Variants in SLC6A5 observed in about 807,000 individuals in gnomAD.
The protein encoded by SLC6A5 is solute carrier family 6 member 5.
A neutral mutation model predicts 90.5 loss-of-function variants in SLC6A5; 58 were observed. The observed-to-expected ratio is 0.64, with a 90% CI of 0.52 to 0.80. The LOEUF (loss-of-function observed/expected upper bound fraction) is 0.80, where lower values mean the gene tolerates loss of function less well. SLC6A5 is among the 30% of genes least tolerant of loss of function. The pLI is 0.00. For missense variants in SLC6A5, 1,015 were observed against 1,017.6 expected (o/e 1.00, Z 0.03); for synonymous variants, 427 against 401.4 (o/e 1.06, Z -0.76).
chr11:20,620,153 C>T (rs1055373280), intron 7 of SLC6A5, among the ~76,000 whole-genome samples: 1 of 152,086 alleles, frequency 6.6e-6, no homozygotes, highest in Non-Finnish European at 1.5e-5. Context: ...CTGACCTCAA[C>T]CATGATGTGA....
At chr11:20,647,211 C>CTA (rs10597763) in intron 14 of SLC6A5, among the ~76,000 whole-genome samples, 228 of 127,412 alleles carry the variant, frequency 1.8e-3, no homozygotes, top group South Asian at 6.5e-3. Context: ...ATATCAGTTC[C>CTA]TATATATATA....
intron 7 of SLC6A5, among the ~76,000 whole-genome samples, chr11:20,621,168 A>G (rs1282134640): frequency 6.6e-6 from 1 of 152,156 alleles, no homozygotes; most frequent in African/African-American, 2.4e-5. Flanking sequence ...TAGATAGTAA[A>G]TGAGGAATTG....
intron 13 of SLC6A5, among the ~76,000 whole-genome samples, chr11:20,641,647 G>A (rs1265785048): frequency 6.6e-6 from 1 of 152,100 alleles, no homozygotes; most frequent in African/African-American, 2.4e-5. Context: ...CAATTTCAGG[G>A]TGTAGTGTTC....
intron 12 of SLC6A5, 35 bp downstream of exon 12, chr11:20,637,338 G>T (rs768845386): frequency 1.9e-6 from 3 of 1,598,912 alleles, no homozygotes; most frequent in Non-Finnish European, 2.6e-6. Context: ...TTGGGGTGGG[G>T]GCAGGAGGGT....
rs371144782 is a variant in SLC6A5 at position 20,646,785 on chromosome 11, C to A, written c.1970-49C>A. 341 of 1,337,056 alleles carry A rather than the reference C, an allele frequency of 2.6e-4. No individual in the cohort carries two copies. In the African/African-American group the frequency reaches 3.9e-3, roughly 15 times the overall value. 82.8% of individuals were successfully genotyped at this position (1,337,056 alleles called of 1,614,324 possible). A position where few individuals can be genotyped will look rare whatever the true frequency, so the allele number is the denominator to read the frequency against. On this transcript the variant is annotated intron_variant, in intron 13 of 15. Coordinates refer to ENST00000525748, the MANE Select transcript of SLC6A5 (RefSeq NM_004211.5). ...TAGTGCCTGCCCTGCCACCACCTCA[C>A]CTTCCTGCTACTGTGCCTTATACCT...
intron 13 of SLC6A5, among the ~76,000 whole-genome samples, chr11:20,640,653 A>T (rs762268429): frequency 2.0e-5 from 3 of 151,846 alleles, no homozygotes; most frequent in Non-Finnish European, 4.4e-5. Context: ...AATTCTAAGA[A>T]GTGAATCTCA....
chr11:20,640,790 A>G (rs1361091959), intron 13 of SLC6A5, among the ~76,000 whole-genome samples: 1 of 152,124 alleles, frequency 6.6e-6, no homozygotes, highest in Non-Finnish European at 1.5e-5. Context: ...GAGGCCCCAG[A>G]CCAGTGCAGG....
At chr11:20,599,812 G>A (rs538707292) in intron 1 of SLC6A5, 137 bp downstream of exon 1, 2 of 1,009,922 alleles carry the variant, frequency 2.0e-6, no homozygotes, top group South Asian at 1.3e-5. Context: ...AACAATTCTC[G>A]CAGCCCTAGG....
chr11:20,616,864 G>A (rs560512982), intron 6 of SLC6A5, among the ~76,000 whole-genome samples: 9 of 152,292 alleles, frequency 5.9e-5, no homozygotes, highest in African/African-American at 2.2e-4. Flanking sequence ...AGAATTCTCT[G>A]GGCCATCATT....
At chr11:20,619,049 G>A (rs1353648404) in intron 7 of SLC6A5, among the ~76,000 whole-genome samples, 1 of 152,002 alleles carries the variant, frequency 6.6e-6, no homozygotes, top group Admixed American at 6.6e-5. Context: ...TACGCCAGGA[G>A]GTATTTGCAT....
At chr11:20,600,424 G>T (rs987981746) in intron 1 of SLC6A5, among the ~76,000 whole-genome samples, 1 of 148,332 alleles carries the variant, frequency 6.7e-6, no homozygotes, top group Non-Finnish European at 1.5e-5. Context: ...CTAAACAAAA[G>T]AACAAAAAGC....
rs73450268 is a variant in SLC6A5 at position 20,636,603 on chromosome 11, A to G, written c.1737+184A>G. Reference sequence around the variant, plus strand: ...GGATCACCTTGTATTTTGGGTGCTCATGTAATGGTGCAAGAGAGTCATCCT... The same window carrying G: ...GGATCACCTTGTATTTTGGGTGCTCGTGTAATGGTGCAAGAGAGTCATCCT... On this transcript the variant is annotated intron_variant, in intron 11 of 15. Coordinates refer to ENST00000525748, the MANE Select transcript of SLC6A5 (RefSeq NM_004211.5). Among the ~76,000 whole-genome samples the G allele has an allele frequency of 4.0e-3, 604 of 152,164 alleles. 2 individuals carry two copies. The highest frequency in any genetic ancestry group is 0.013 in the African/African-American group (558 of 41,504).
At chr11:20,601,026 T>G in intron 1 of SLC6A5, 103 bp from the exon 2 acceptor site, 2 of 1,153,708 alleles carry the variant, frequency 1.7e-6, no homozygotes, top group Non-Finnish European at 2.4e-6. Context: ...CTTCCCCAGA[T>G]ATTGTGTCTG....
At position 20,655,526 on chromosome 11, in the gene SLC6A5, A is replaced by T. The variant is rs1351863316; in HGVS notation, c.*658A>T. ...GTCTACACATTGTGACTTTGATTGA[A>T]CTGTCAGTTTTCTTCCCTCAACTGT... On this transcript the variant is annotated 3_prime_UTR_variant, in exon 16 of 16. Coordinates refer to ENST00000525748, the MANE Select transcript of SLC6A5 (RefSeq NM_004211.5). The T allele has an allele frequency of 6.5e-6, 1 of 152,904 alleles. No homozygotes were observed. Among genetic ancestry groups the T allele is most frequent in the African/African-American group, 2.4e-5 (1 of 41,428 alleles). The allele number at this position is 152,904 out of a possible 1,614,324, so 9.5% of individuals were successfully genotyped here. A position where few individuals can be genotyped will look rare whatever the true frequency, so the allele number is the denominator to read the frequency against.
chr11:20,653,871 T>A (rs1166285300), intron 15 of SLC6A5, among the ~76,000 whole-genome samples: 1 of 152,174 alleles, frequency 6.6e-6, no homozygotes, highest in South Asian at 2.1e-4. Flanking sequence ...ACTAATTGAG[T>A]TGGCTATATA....
chr11:20,601,775 G>T, intron 2 of SLC6A5, 110 bp downstream of exon 2: 1 of 1,201,876 alleles, frequency 8.3e-7, no homozygotes, highest in Non-Finnish European at 1.2e-6. Flanking sequence ...CCGGTTGGCA[G>T]TGCCAGGTGA....
rs1398188524 is a variant in SLC6A5, at chr11:20,656,966, G to C, written c.*2098G>C. ...GCCTCTCCAGCTGATACCTGGTAGA[G>C]TGAGAGGAGCCAGGAGGAATAACTT... On this transcript the variant is annotated 3_prime_UTR_variant, in exon 16 of 16. Coordinates refer to ENST00000525748, the MANE Select transcript of SLC6A5 (RefSeq NM_004211.5). 1 of 152,226 alleles carries C rather than the reference G, an allele frequency of 6.6e-6. No homozygotes were observed. The highest frequency in any genetic ancestry group is 1.5e-5 in the Non-Finnish European group (1 of 68,052). 9.4% of individuals were successfully genotyped at this position (152,226 alleles called of 1,614,324 possible).
chr11:20,656,308 T>C lies in SLC6A5; in HGVS notation c.*1440T>C, dbSNP rs1276060437. ...ATGGTGAGTTTAGTATAGTGTAGTCTGGGGATTTTATTTTCCCTTACAGTA... is the reference window on the plus strand; with the variant it reads ...ATGGTGAGTTTAGTATAGTGTAGTCCGGGGATTTTATTTTCCCTTACAGTA... On this transcript the variant is annotated 3_prime_UTR_variant, in exon 16 of 16. Coordinates refer to ENST00000525748, the MANE Select transcript of SLC6A5 (RefSeq NM_004211.5). The C allele has an allele frequency of 1.3e-5, 2 of 152,192 alleles. No homozygotes were observed. Among genetic ancestry groups the C allele is most frequent in the Non-Finnish European group, 2.9e-5 (2 of 68,028 alleles). The allele number at this position is 152,192 out of a possible 1,614,324, so 9.4% of individuals were successfully genotyped here.
At chr11:20,600,620 G>T (rs1328467958) in intron 1 of SLC6A5, among the ~76,000 whole-genome samples, 2 of 152,176 alleles carry the variant, frequency 1.3e-5, no homozygotes, top group Admixed American at 6.5e-5. Context: ...GTTGTGGAGC[G>T]CTGGGACTCA....
Sources: allele counts gnomAD v4.1 joint callset (sites outside exome capture counted in the v4.1 genomes callset), GRCh38; gene constraint gnomAD v4.1.1; transcripts MANE v1.5; gene names NCBI Gene and HGNC (gene_info 2026-07-23, HGNC 2026-07-21).